Variants in RAPH1 observed in about 807,000 individuals in gnomAD.
RAPH1 encodes Ras association (RalGDS/AF-6) and pleckstrin homology domains 1.
A neutral mutation model predicts 88.1 loss-of-function variants in RAPH1; 18 were observed. The observed-to-expected ratio is 0.20, with a 90% CI of 0.14 to 0.30. The LOEUF (loss-of-function observed/expected upper bound fraction) is 0.30. RAPH1 is among the 10% of genes least tolerant of loss of function. The pLI, the probability that RAPH1 is intolerant of heterozygous loss-of-function variation, is 1.00. For synonymous variants in RAPH1, 587 were observed against 559.0 expected (o/e 1.05, Z -0.71); for missense variants, 1,448 against 1,543.2 (o/e 0.94, Z 1.03).
At chr2:203,508,995 T>C (rs1420035122) in intron 1 of RAPH1, among the ~76,000 whole-genome samples, 4 of 152,062 alleles carry the variant, frequency 2.6e-5, no homozygotes, top group Non-Finnish European at 4.4e-5. Context: ...TTATAAAAAT[T>C]TAGCATCTTA....
intron 1 of RAPH1, among the ~76,000 whole-genome samples, chr2:203,521,764 G>A (rs1689884859): frequency 6.6e-6 from 1 of 152,080 alleles, no homozygotes; most frequent in African/African-American, 2.4e-5. Flanking sequence ...TAAGGCAGAT[G>A]TTCTAAGTTA....
intron 1 of RAPH1, among the ~76,000 whole-genome samples, chr2:203,517,238 G>A (rs1689654923): frequency 6.6e-6 from 1 of 150,860 alleles, no homozygotes; most frequent in Admixed American, 6.7e-5. Context: ...GGACTTTAAA[G>A]CAAGGAAAGT....
Position 203,440,981 on chromosome 2 carries a change from G to T in RAPH1, c.2209C>A (p.Leu737Ile). ...QLKPAPCAPS[L>I]PQFSAPPPPL... Reference sequence around the variant, plus strand: ...GGAGGCGGGGCACTGAACTGTGGAAGGGATGGGGCACACGGTGCAGGCTTT... The same window carrying T: ...GGAGGCGGGGCACTGAACTGTGGAATGGATGGGGCACACGGTGCAGGCTTT... The change falls in exon 14 of 14, where the codon CTT (leucine) becomes ATT (isoleucine). Residue 737 changes from leucine to isoleucine, a missense_variant. Physicochemically the swap from Leu to Ile is conservative, Grantham distance 5. Coordinates refer to ENST00000319170, the MANE Select transcript of RAPH1 (RefSeq NM_213589.3). 6.3e-7 allele frequency: 1 copy of T among 1,580,726 alleles called. No individual in the cohort carries two copies. The highest frequency in any genetic ancestry group is 8.6e-7 in the Non-Finnish European group (1 of 1,166,420).
intron 1 of RAPH1, among the ~76,000 whole-genome samples, chr2:203,511,569 A>G (rs757353695): frequency 6.6e-6 from 1 of 152,210 alleles, no homozygotes; most frequent in Non-Finnish European, 1.5e-5. Context: ...TAGTTTTAAC[A>G]AAGAATCTAT....
chr2:203,488,913 C>A (rs933064071), intron 4 of RAPH1, among the ~76,000 whole-genome samples: 1 of 152,084 alleles, frequency 6.6e-6, no homozygotes, highest in South Asian at 2.1e-4. Context: ...CACCTGAGGT[C>A]AGGAGTTCGA....
chr2:203,487,097 T>C (rs996238148), intron 4 of RAPH1, among the ~76,000 whole-genome samples: 8 of 152,202 alleles, frequency 5.3e-5, no homozygotes, highest in Non-Finnish European at 1.0e-4. Context: ...GTATGAACTT[T>C]TATAATGAGC....
chr2:203,514,060 C>T (rs557666738), intron 1 of RAPH1, among the ~76,000 whole-genome samples: 1 of 152,154 alleles, frequency 6.6e-6, no homozygotes, highest in East Asian at 2.0e-4. Flanking sequence ...GCAGGCTGGT[C>T]TCAAACTCCT....
At chr2:203,458,561 T>C (rs367816574) in intron 7 of RAPH1, among the ~76,000 whole-genome samples, 2 of 152,184 alleles carry the variant, frequency 1.3e-5, no homozygotes, top group South Asian at 2.1e-4. Context: ...CTTTAAATAA[T>C]CTCTAGATTA....
At chr2:203,517,512 C>T (rs1689671107) in intron 1 of RAPH1, among the ~76,000 whole-genome samples, 1 of 152,080 alleles carries the variant, frequency 6.6e-6, no homozygotes, top group African/African-American at 2.4e-5. Context: ...CCATCAATCA[C>T]CTGGATATAA....
At chr2:203,521,413 A>G (rs768986309) in intron 1 of RAPH1, among the ~76,000 whole-genome samples, 1 of 152,202 alleles carries the variant, frequency 6.6e-6, no homozygotes, top group Non-Finnish European at 1.5e-5. Flanking sequence ...TCAAAAGCAC[A>G]GAAGAATATT....
At chr2:203,477,955 T>C (rs534249183) in intron 4 of RAPH1, among the ~76,000 whole-genome samples, 1 of 152,258 alleles carries the variant, frequency 6.6e-6, no homozygotes, top group African/African-American at 2.4e-5. Flanking sequence ...CTTAATTTCT[T>C]GCAATTTCTT....
At position 203,440,817 on chromosome 2, in the gene RAPH1, G is replaced by A; in HGVS notation, c.2373C>T (p.Thr791=). 6.2e-7 allele frequency: 1 copy of A among 1,600,398 alleles called. No individual in the cohort carries two copies. The highest frequency in any genetic ancestry group is 8.5e-7 in the Non-Finnish European group (1 of 1,173,920). The change falls in exon 14 of 14, where the codon ACC becomes ACT. Residue 791 remains threonine, a synonymous_variant. Transcript: ENST00000319170. Reference sequence around the variant, plus strand: ...GAGTCACAACAGGTGCCACAGTCTTGGTGCTGGTTGGTGCGGGGATGGTCA... The same window carrying A: ...GAGTCACAACAGGTGCCACAGTCTTAGTGCTGGTTGGTGCGGGGATGGTCA... ...PLVTIPAPTS[T]KTVAPVVTQA...
At chr2:203,485,754 C>T (rs1025269943) in intron 4 of RAPH1, among the ~76,000 whole-genome samples, 4 of 151,944 alleles carry the variant, frequency 2.6e-5, no homozygotes, top group South Asian at 2.1e-4. Flanking sequence ...TGTCTACGGA[C>T]GTTTTTAGTT....
Position 203,448,755 on chromosome 2 carries a change from C to T in RAPH1, c.1495G>A (p.Gly499Arg). ...AGACATGCCTTTGCAATGCGGATCC[C>T]ATTGACCCACTGATGCAGTGTCCTC... ...DVRTLHQWVN[G>R]IRIAKYGKQL... The change falls in exon 11 of 14, where the codon GGG becomes AGG. Residue 499 changes from glycine (G) to arginine (R), a missense_variant. Physicochemically the swap from Gly to Arg is moderately radical, Grantham distance 125. Around this residue, in one of 2 missense-constraint regions of RAPH1, gnomAD observed 513 missense variants for 653.1 expected, o/e 0.79. Transcript: ENST00000319170. This position sits in a 1 kb window ranked among gnomAD's most constrained non-coding sequence, Gnocchi z 4.1. The T allele has an allele frequency of 6.2e-7, 1 of 1,604,994 alleles. No individual in the cohort carries two copies. Among genetic ancestry groups the T allele is most frequent in the Non-Finnish European group, 8.5e-7 (1 of 1,174,886 alleles).
At position 203,448,708 on chromosome 2, in the gene RAPH1, A is replaced by G; in HGVS notation, c.1512+30T>C. ...CTATATCATCGACAAACACCTCATT[A>G]TTCCATCATCAAATCAAAAGGAGAC... On this transcript the variant is annotated intron_variant, in intron 11 of 13. Transcript: ENST00000319170. The surrounding 1 kb of genome is among the most constrained non-coding windows in gnomAD (Gnocchi z 4.1). 1 of 1,432,388 alleles carries G rather than the reference A, an allele frequency of 7.0e-7. No homozygotes were observed. The highest frequency in any genetic ancestry group is 9.7e-7 in the Non-Finnish European group (1 of 1,031,184). The allele number at this position is 1,432,388 out of a possible 1,614,324, so 88.7% of individuals were successfully genotyped here. A position where few individuals can be genotyped will look rare whatever the true frequency, so the allele number is the denominator to read the frequency against.
At chr2:203,470,346 A>G (rs777206886) in intron 4 of RAPH1, 2 of 1,451,086 alleles carry the variant, frequency 1.4e-6, no homozygotes, top group Non-Finnish European at 1.9e-6. Context: ...AAACAAAAAA[A>G]GGCAATAACA....
chr2:203,446,191 G>A (rs1247877096), intron 12 of RAPH1: 1 of 152,120 alleles, frequency 6.6e-6, no homozygotes, highest in Non-Finnish European at 1.5e-5. Flanking sequence ...TCCTGTTTTT[G>A]ATGACTTAGA....
chr2:203,472,183 A>C (rs1312515638), intron 4 of RAPH1, among the ~76,000 whole-genome samples: 1 of 149,390 alleles, frequency 6.7e-6, no homozygotes, highest in Admixed American at 6.7e-5. Context: ...CCCAGACTGG[A>C]GGGCAGTGGC....
intron 1 of RAPH1, among the ~76,000 whole-genome samples, chr2:203,507,865 C>T (rs555260740): frequency 6.6e-6 from 1 of 152,158 alleles, no homozygotes; most frequent in African/African-American, 2.4e-5. Context: ...GTTACATTTC[C>T]TGATTTTGAT....
Sources: gnomAD v4.1 joint callset for allele counts (sites outside exome capture counted in the v4.1 genomes callset) on GRCh38, gnomAD v4.1.1 for gene constraint, gnomAD v4.1.1 regional missense constraint, Gnocchi (gnomAD v3.1) non-coding constraint, MANE v1.5 for transcripts, NCBI Gene and HGNC (gene_info 2026-07-23, HGNC 2026-07-21) for gene names.